Variants in SPATS1 observed in about 807,000 individuals in gnomAD.
The protein encoded by SPATS1 is spermatogenesis-associated serine-rich protein 1.
SPATS1 carries 23 observed loss-of-function variants against 33.6 expected under a neutral mutation model. The observed-to-expected ratio is 0.68, with a 90% confidence interval of 0.49 to 0.97. SPATS1 has a LOEUF of 0.97. Ranked by LOEUF, SPATS1 falls within the 50% of genes least tolerant of loss-of-function variation. The pLI is 0.00. For missense variants in SPATS1, 327 were observed against 361.0 expected (o/e 0.91, Z 0.76); for synonymous variants, 131 against 125.6 (o/e 1.04, Z -0.29).
chr6:44,353,631 T>C (rs114435980), intron 3 of SPATS1, among the ~76,000 whole-genome samples: 2,228 of 152,342 alleles, frequency 0.015, 24 homozygotes, highest in Non-Finnish European at 0.021. Flanking sequence ...TTTCCCTGTT[T>C]ATATTTCTTT....
intron 3 of SPATS1, among the ~76,000 whole-genome samples, chr6:44,358,088 A>AACT (rs1261550344): frequency 6.6e-6 from 1 of 152,172 alleles, no homozygotes; most frequent in Non-Finnish European, 1.5e-5. Flanking sequence ...TTGTCATGGA[A>AACT]ACTAACACAC....
intron 7 of SPATS1, among the ~76,000 whole-genome samples, chr6:44,370,801 C>T (rs1284243552): frequency 6.6e-6 from 1 of 152,096 alleles, no homozygotes; most frequent in Non-Finnish European, 1.5e-5. Flanking sequence ...TAGGGCTTCT[C>T]ATGTCTGTAC....
At chr6:44,366,577 A>G (rs1789262198) in intron 5 of SPATS1, among the ~76,000 whole-genome samples, 1 of 152,120 alleles carries the variant, frequency 6.6e-6, no homozygotes, top group African/African-American at 2.4e-5. Context: ...TTCCTAGGTG[A>G]TTTTCAGGTG....
rs535300028 is a variant in SPATS1 at position 44,376,120 on chromosome 6, T to C, written c.759-238T>C. On this transcript the variant is annotated intron_variant, in intron 7 of 8. Transcript: ENST00000674044. Reference sequence around the variant, plus strand: ...GACTTTGTTTCAAAAAAAAAAAATGTGGAAGCACAGAGGAGCCCAGGTGAT... The same window carrying C: ...GACTTTGTTTCAAAAAAAAAAAATGCGGAAGCACAGAGGAGCCCAGGTGAT... Among the ~76,000 whole-genome samples the C allele has an allele frequency of 7.0e-3, 1,053 of 149,822 alleles. 2 individuals carry two copies. Among genetic ancestry groups the C allele is most frequent in the Middle Eastern group, 0.017 (5 of 290 alleles).
rs779807508 is a variant in SPATS1, at chr6:44,370,063, A to G, written c.708A>G (p.Glu236=). 2 of 1,612,408 alleles carry G rather than the reference A, an allele frequency of 1.2e-6. No individual in the cohort carries two copies. Among genetic ancestry groups the G allele is most frequent in the Non-Finnish European group, 1.7e-6 (2 of 1,178,804 alleles). ...PPVNFSIVPY[E]KKFDTFIPLE... is the part of the protein sequence containing the mutation. Reference sequence around the variant, plus strand: ...TTCTGTTTTTCAGAGTGCCTTATGAAAAGAAATTTGATACATTTATTCCAC... The same window carrying G: ...TTCTGTTTTTCAGAGTGCCTTATGAGAAGAAATTTGATACATTTATTCCAC... Residue 236 remains glutamate, a synonymous_variant, in exon 7 of 9, where the codon GAA becomes GAG. Coordinates refer to ENST00000674044, the MANE Select transcript of SPATS1 (RefSeq NM_001372081.1).
intron 5 of SPATS1, among the ~76,000 whole-genome samples, chr6:44,366,510 T>C (rs1789258584): frequency 6.6e-6 from 1 of 152,222 alleles, no homozygotes. Context: ...TTCTGGGAAC[T>C]ATTAGAGATC....
intron 3 of SPATS1, among the ~76,000 whole-genome samples, chr6:44,356,344 A>G (rs1007065525): frequency 6.6e-6 from 1 of 152,226 alleles, no homozygotes; most frequent in Non-Finnish European, 1.5e-5. Flanking sequence ...ATCATCTCTT[A>G]CCTGGACCAC....
At position 44,362,040 on chromosome 6, in the gene SPATS1, C is replaced by G. The variant is rs114150800; in HGVS notation, c.574+48C>G. ...GACTGTGCAGTCCCCGAAAAACTCTCGAGTCGTGATTCTATAGGCCCTGCA... is the reference window on the plus strand; with the variant it reads ...GACTGTGCAGTCCCCGAAAAACTCTGGAGTCGTGATTCTATAGGCCCTGCA... On this transcript the variant is annotated intron_variant, in intron 5 of 8. Transcript: ENST00000674044. 5.1e-3 allele frequency: 8,160 copies of G among 1,611,308 alleles called. 72 individuals are homozygous for G. Among genetic ancestry groups the G allele is most frequent in the Middle Eastern group, 0.038 (225 of 5,996 alleles).
rs1369102203 is a variant in SPATS1, at chr6:44,368,477, C to G, written c.673C>G (p.Leu225Val). The G allele has an allele frequency of 6.2e-7, 1 of 1,612,092 alleles. No homozygotes were observed. The highest frequency in any genetic ancestry group is 2.2e-5 in the East Asian group (1 of 44,836). Residue 225 changes from leucine (L) to valine (V), a missense_variant, in exon 6 of 9, where the codon CTC (leucine) becomes GTC (valine). Transcript: ENST00000674044. ...SKGFHKAGSM[L>V]PPVNFSIVPY... is the part of the protein sequence containing the mutation. ...AGGCTTCCACAAAGCAGGATCAATG[C>G]TCCCACCAGTGAATTTTTCAATGTA...
intron 5 of SPATS1, among the ~76,000 whole-genome samples, chr6:44,367,735 G>A (rs1789335900): frequency 6.6e-6 from 1 of 152,162 alleles, no homozygotes; most frequent in African/African-American, 2.4e-5. Context: ...TTTTAAATAG[G>A]CAATTTTAAG....
chr6:44,352,634 T>C, intron 2 of SPATS1, 92 bp from the exon 3 acceptor site: 1 of 1,142,024 alleles, frequency 8.8e-7, no homozygotes, highest in Non-Finnish European at 1.3e-6. Flanking sequence ...AAATGTTAGC[T>C]GTTTTAAAAA....
intron 5 of SPATS1, among the ~76,000 whole-genome samples, chr6:44,366,205 ATC>A (rs1251843088): frequency 2.6e-5 from 4 of 151,248 alleles, no homozygotes; most frequent in Non-Finnish European, 5.9e-5. Flanking sequence ...GCTCACTGCA[ATC>A]TCTGCCTCCC....
chr6:44,372,216 T>C (rs1177836309), intron 7 of SPATS1, among the ~76,000 whole-genome samples: 1 of 146,028 alleles, frequency 6.8e-6, no homozygotes, highest in Non-Finnish European at 1.5e-5. Context: ...ATCACGCCAC[T>C]GCACTCCAGC....
rs985718417 is a variant in SPATS1 at position 44,361,828 on chromosome 6, C to A, written c.413-3C>A. 64 of 1,614,094 alleles carry A rather than the reference C, an allele frequency of 4.0e-5. No individual in the cohort carries two copies. Among genetic ancestry groups the A allele is most frequent in the Non-Finnish European group, 5.3e-5 (63 of 1,180,046 alleles). ...TAATGGAAGGCTTTCTGGTGTATTG[C>A]AGAAGATGGGCATCGTCCTGAGTGG... On this transcript the variant is annotated splice_polypyrimidine_tract_variant and splice_region_variant and intron_variant, in intron 4 of 8. Transcript: ENST00000674044.
intron 6 of SPATS1, among the ~76,000 whole-genome samples, chr6:44,369,549 T>G (rs1165549148): frequency 6.7e-6 from 1 of 148,638 alleles, no homozygotes; most frequent in East Asian, 2.0e-4. Context: ...AGACTCCATC[T>G]CAAAATAAAT....
chr6:44,343,189 C>G lies in SPATS1; in HGVS notation c.94C>G (p.Pro32Ala), dbSNP rs776569375. 24 of 1,613,880 alleles carry G rather than the reference C, an allele frequency of 1.5e-5. No individual in the cohort carries two copies. The South Asian group carries it at 2.1e-4, about 14-fold the overall frequency. The change falls in exon 2 of 9, where the codon CCA becomes GCA. Residue 32 changes from proline (P) to alanine (A), a missense_variant. By Grantham distance (27) the Pro-to-Ala change is conservative. Coordinates refer to ENST00000674044, the MANE Select transcript of SPATS1 (RefSeq NM_001372081.1). ...CTGCGGCAGACAGCTGGAGAAGGTTCCAGAAAAAAGGGACTCTGGCATGAC... is the reference window on the plus strand; with the variant it reads ...CTGCGGCAGACAGCTGGAGAAGGTTGCAGAAAAAAGGGACTCTGGCATGAC... ...TTCGRQLEKV[P>A]EKRDSGMTEV... is the part of the protein sequence containing the mutation.
In SPATS1 at chr6:44,361,970, G is replaced by A. The variant is rs1788949153; in HGVS notation, c.552G>A (p.Lys184=). 2.5e-6 allele frequency: 4 copies of A among 1,614,230 alleles called. No homozygotes were observed. Among genetic ancestry groups the A allele is most frequent in the Non-Finnish European group, 3.4e-6 (4 of 1,180,040 alleles). ...CTCTATCAGAGAGGACGGTGGACAA[G>A]TGCTTTGGGAGAAAGAAATACGGTG... ...KRSLSERTVD[K]CFGRKKYDID... is the part of the protein sequence containing the mutation. The change falls in exon 5 of 9, where the codon AAG becomes AAA. Residue 184 remains lysine (K), a synonymous_variant. Transcript: ENST00000674044.
intron 5 of SPATS1, among the ~76,000 whole-genome samples, chr6:44,367,966 G>T (rs1389588955): frequency 6.6e-6 from 1 of 152,144 alleles, no homozygotes; most frequent in Non-Finnish European, 1.5e-5. Flanking sequence ...TTTCCTTCCT[G>T]GACCCAGTCA....
At chr6:44,352,908 G>A in intron 3 of SPATS1, 35 bp downstream of exon 3, 1 of 1,602,606 alleles carries the variant, frequency 6.2e-7, no homozygotes, top group Non-Finnish European at 8.5e-7. Context: ...TGTCACGGTT[G>A]GGGAGATTCT....
Sources: gnomAD v4.1 joint callset for allele counts (sites outside exome capture counted in the v4.1 genomes callset) on GRCh38, gnomAD v4.1.1 for gene constraint, MANE v1.5 for transcripts, NCBI Gene and HGNC (gene_info 2026-07-23, HGNC 2026-07-21) for gene names.